Variants in MRPL46 observed in about 807,000 individuals in gnomAD.
MRPL46 encodes the protein mitochondrial ribosomal protein L46.
MRPL46 carries 26 observed loss-of-function variants against 31.0 expected under a neutral mutation model. That is an observed-to-expected ratio of 0.84 (90% confidence interval 0.61 to 1.16). The LOEUF (loss-of-function observed/expected upper bound fraction) is 1.16. Ranked by LOEUF, MRPL46 falls within the 50% of genes most tolerant of loss-of-function variation. MRPL46 has a pLI of 0.00. For synonymous variants in MRPL46, 159 were observed against 141.3 expected (o/e 1.13, Z -0.89); for missense variants, 395 against 340.0 (o/e 1.16, Z -1.27).
At position 88,459,741 on chromosome 15, in the gene MRPL46, G is replaced by C. The variant is rs754055880; in HGVS notation, c.712C>G (p.Leu238Val). 4.3e-6 allele frequency: 7 copies of C among 1,614,190 alleles called. No individual in the cohort carries two copies. Among genetic ancestry groups the C allele is most frequent in the Non-Finnish European group, 5.9e-6 (7 of 1,180,046 alleles). The change falls in exon 4 of 4, where the codon CTA (leucine) becomes GTA (valine). Residue 238 changes from leucine (L) to valine (V), a missense_variant. Coordinates refer to ENST00000312475, the MANE Select transcript of MRPL46 (RefSeq NM_022163.4). Reference sequence around the variant, plus strand: ...GCCTGGGAAAAGTCTCCAGTTAATAGCAGTGCTTTGAAGAAGAACACCTTG... The same window carrying C: ...GCCTGGGAAAAGTCTCCAGTTAATACCAGTGCTTTGAAGAAGAACACCTTG... Reference protein sequence around the residue: ...GAKVFFFKALLLTGDFSQAGN... With the variant: ...GAKVFFFKALVLTGDFSQAGN...
At position 88,459,523 on chromosome 15, in the gene MRPL46, T is replaced by A; in HGVS notation, c.*90A>T. Reference sequence around the variant, plus strand: ...TCTCAGAATTTAGTTTGCTGCTTGATATTACCTGCAAATGTGAGGCAATCA... The same window carrying A: ...TCTCAGAATTTAGTTTGCTGCTTGAAATTACCTGCAAATGTGAGGCAATCA... On this transcript the variant is annotated 3_prime_UTR_variant, in exon 4 of 4. Transcript: ENST00000312475. The A allele has an allele frequency of 6.4e-7, 1 of 1,551,354 alleles. No individual in the cohort carries two copies. Among genetic ancestry groups the A allele is most frequent in the South Asian group, 1.2e-5 (1 of 83,534 alleles).
At position 88,459,833 on chromosome 15, in the gene MRPL46, T is replaced by C. The variant is rs758539499; in HGVS notation, c.620A>G (p.Asn207Ser). 1.2e-6 allele frequency: 2 copies of C among 1,614,132 alleles called. No individual in the cohort carries two copies. Among genetic ancestry groups the C allele is most frequent in the East Asian group, 2.2e-5 (1 of 44,876 alleles). ...GAATGTGTAGTGCCCACAGGGTGCA[T>C]TTCCTAGGAACTTGGCTTCCATGTT... ...ENNMEAKFLGNAPCGHYTFKF... is the reference protein window; with the variant it reads ...ENNMEAKFLGSAPCGHYTFKF... The change falls in exon 4 of 4, where the codon AAT becomes AGT. Residue 207 changes from asparagine to serine, a missense_variant. Physicochemically the swap from Asn to Ser is conservative, Grantham distance 46. Coordinates refer to ENST00000312475, the MANE Select transcript of MRPL46 (RefSeq NM_022163.4).
At chr15:88,466,366 A>T (rs1038976743) in intron 1 of MRPL46, among the ~76,000 whole-genome samples, 6 of 152,216 alleles carry the variant, frequency 3.9e-5, no homozygotes, top group African/African-American at 1.4e-4. Context: ...AACAACACTT[A>T]TCAGGGTCTG....
In MRPL46 at chr15:88,465,787, A is replaced by G. The variant is rs748073126; in HGVS notation, c.229-14T>C. On this transcript the variant is annotated splice_polypyrimidine_tract_variant and intron_variant, in intron 1 of 3. Coordinates refer to ENST00000312475, the MANE Select transcript of MRPL46 (RefSeq NM_022163.4). ...CTCTATCTCAATCTGGGAAAATTCA[A>G]AGGGCAAAAAACTACCTTAATCTGG... The G allele has an allele frequency of 6.4e-7, 1 of 1,560,304 alleles. No individual in the cohort carries two copies. Among genetic ancestry groups the G allele is most frequent in the South Asian group, 1.2e-5 (1 of 83,306 alleles).
At position 88,467,383 on chromosome 15, in the gene MRPL46, G is replaced by A. The variant is rs1050276142; in HGVS notation, c.-6C>T. 1.2e-5 allele frequency: 19 copies of A among 1,561,248 alleles called. No homozygotes were observed. The East Asian group carries it at 4.1e-4, about 34-fold the overall frequency. On this transcript the variant is annotated 5_prime_UTR_variant, in exon 1 of 4. It adds an upstream start codon to the 5' untranslated region. Transcript: ENST00000312475. Reference sequence around the variant, plus strand: ...CGCCTTACGGGCGCCGCCATCTTTCGTTCTCCCACAATGCACCGCGGCTCC... The same window carrying A: ...CGCCTTACGGGCGCCGCCATCTTTCATTCTCCCACAATGCACCGCGGCTCC...
chr15:88,464,818 G>A lies in MRPL46; in HGVS notation c.474C>T (p.Val158=), dbSNP rs147619280. 2.3e-5 allele frequency: 37 copies of A among 1,614,146 alleles called. No homozygotes were observed. The highest frequency in any genetic ancestry group is 3.0e-5 in the Non-Finnish European group (35 of 1,180,024). The part of the protein sequence containing the change: ...SLNRKLDRNL[V]LLVREKFGDQ... ...CTCCAAACTTCTCTCTGACTAACAG[G>A]ACAAGGTTCCTGTCTAGCTTCCTGT... The change falls in exon 3 of 4, where the codon GTC becomes GTT. Residue 158 remains valine, a synonymous_variant. Coordinates refer to ENST00000312475, the MANE Select transcript of MRPL46 (RefSeq NM_022163.4).
chr15:88,459,909 A>T, intron 3 of MRPL46, 46 bp from the exon 4 acceptor site: 3 of 1,608,402 alleles, frequency 1.9e-6, no homozygotes, highest in Non-Finnish European at 2.5e-6. Flanking sequence ...GTAAGGATAC[A>T]GCCATCTGTT....
At chr15:88,467,096 C>A (rs1320394135) in intron 1 of MRPL46, 54 bp downstream of exon 1, 7 of 1,578,618 alleles carry the variant, frequency 4.4e-6, no homozygotes, top group Non-Finnish European at 5.2e-6. Flanking sequence ...TGAAATTACT[C>A]GCTCAAAGTC....
At chr15:88,462,824 T>C (rs1464694767) in intron 3 of MRPL46, 7 of 152,260 alleles carry the variant, frequency 4.6e-5, no homozygotes, top group African/African-American at 1.7e-4. Context: ...CCATTTTATA[T>C]TATTTGTCAG....
chr15:88,464,206 A>T lies in MRPL46; in HGVS notation c.589+497T>A, dbSNP rs1182012026. On this transcript the variant is annotated intron_variant, in intron 3 of 3. Coordinates refer to ENST00000312475, the MANE Select transcript of MRPL46 (RefSeq NM_022163.4). Reference sequence around the variant, plus strand: ...AGCTCCCCACACTTATCCGACCCCAAACACCAATAATGCCAGAGATGGGAA... The same window carrying T: ...AGCTCCCCACACTTATCCGACCCCATACACCAATAATGCCAGAGATGGGAA... 2.6e-5 allele frequency: 4 copies of T among 156,474 alleles called. No individual in the cohort carries two copies. The East Asian group carries it at 7.6e-4, about 30-fold the overall frequency. The allele number at this position is 156,474 out of a possible 1,614,324, so 9.7% of individuals were successfully genotyped here.
At position 88,464,692 on chromosome 15, in the gene MRPL46, A is replaced by C. The variant is rs756015327; in HGVS notation, c.589+11T>G. ...AATTTTGTGGAATTTAGAGGAAGGC[A>C]GAAAACCCACCTGAGAGTGTGGCCA... On this transcript the variant is annotated intron_variant, in intron 3 of 3. Transcript: ENST00000312475. 8 of 1,612,008 alleles carry C rather than the reference A, an allele frequency of 5.0e-6. No homozygotes were observed. The East Asian group carries it at 1.6e-4, about 32-fold the overall frequency.
At chr15:88,466,823 T>G (rs948018624) in intron 1 of MRPL46, among the ~76,000 whole-genome samples, 6 of 152,184 alleles carry the variant, frequency 3.9e-5, no homozygotes, top group African/African-American at 1.4e-4. Flanking sequence ...TTGTATTTCC[T>G]TCTTAACATT....
chr15:88,467,247 G>A lies in MRPL46; in HGVS notation c.131C>T (p.Pro44Leu), dbSNP rs142197784. The change falls in exon 1 of 4, where the codon CCA becomes CTA. Residue 44 changes from proline (P) to leucine (L), a missense_variant. By Grantham distance (98) the Pro-to-Leu change is moderately conservative. Transcript: ENST00000312475. ...GCACAACGCGCCCAACAAGCGCCAT[G>A]GGGATCCGTTGCTTGAGGGTGCGGC... is the stretch of plus-strand genomic sequence containing the variant. ...LAAAPSSNGS[P>L]WRLLGALCLQ... is the part of the protein sequence containing the mutation. 127 of 1,614,016 alleles carry A rather than the reference G, an allele frequency of 7.9e-5. No homozygotes were observed. In the African/African-American group the frequency reaches 1.6e-3, roughly 20 times the overall value.
intron 3 of MRPL46, chr15:88,462,316 G>A (rs1444358661): frequency 1.3e-5 from 2 of 152,112 alleles, no homozygotes; most frequent in Admixed American, 1.3e-4. Context: ...TCCCATAAAT[G>A]CATGTTACTT....
chr15:88,464,628 C>CAAAAAA, intron 3 of MRPL46, 75 bp downstream of exon 3: 1 of 1,043,744 alleles, frequency 9.6e-7, no homozygotes, highest in African/African-American at 1.7e-5. Flanking sequence ...AATCCAATTC[C>CAAAAAA]CCAGTCAGCC....
intron 3 of MRPL46, chr15:88,460,228 C>T (rs536497670): frequency 1.3e-5 from 3 of 233,644 alleles, no homozygotes; most frequent in East Asian, 1.0e-4. Context: ...TCAGCCCAGT[C>T]GCTATCTGCT....
intron 3 of MRPL46, 90 bp from the exon 4 acceptor site, chr15:88,459,953 C>A (rs1172779852): frequency 2.0e-6 from 3 of 1,499,726 alleles, no homozygotes; most frequent in South Asian, 1.2e-5. Context: ...GGGGTCCCTG[C>A]AAGATCTGGC....
rs1031215258 is a variant in MRPL46, at chr15:88,467,239, A to G, written c.139T>C (p.Leu47=). ...CGCTGCAGGCACAACGCGCCCAACA[A>G]GCGCCATGGGGATCCGTTGCTTGAG... The part of the protein sequence containing the change: ...APSSNGSPWR[L]LGALCLQRPP... The change falls in exon 1 of 4, where the codon TTG becomes CTG. Residue 47 remains leucine, a synonymous_variant. Transcript: ENST00000312475. 1 of 1,614,004 alleles carries G rather than the reference A, an allele frequency of 6.2e-7. No individual in the cohort carries two copies. The highest frequency in any genetic ancestry group is 1.3e-5 in the African/African-American group (1 of 74,942).
At chr15:88,465,010 C>A in intron 2 of MRPL46, 134 bp from the exon 3 acceptor site, 1 of 954,716 alleles carries the variant, frequency 1.0e-6, no homozygotes, top group Non-Finnish European at 1.5e-6. Flanking sequence ...ACACCTCGAC[C>A]CATCTCTCTA....
Sources: allele counts gnomAD v4.1 joint callset (sites outside exome capture counted in the v4.1 genomes callset), GRCh38; gene constraint gnomAD v4.1.1; transcripts MANE v1.5; gene names NCBI Gene and HGNC (gene_info 2026-07-23, HGNC 2026-07-21).